Variants in DOCK5 observed in about 807,000 individuals in gnomAD.
DOCK5 encodes the protein dedicator of cytokinesis protein 5.
DOCK5 carries 142 observed loss-of-function variants against 251.8 expected under a neutral mutation model. That is an observed-to-expected ratio of 0.56 (90% CI 0.49 to 0.65). DOCK5 has a LOEUF of 0.65. DOCK5 is among the 30% of genes least tolerant of loss of function. The pLI is 0.00. For missense variants in DOCK5, 2,111 were observed against 2,312.3 expected, an observed-to-expected ratio of 0.91 and a Z score of 1.79; for synonymous variants, 842 against 835.5, an observed-to-expected ratio of 1.01 and a Z score of -0.13.
chr8:25,315,702 C>T (rs1805228557), intron 13 of DOCK5, among the ~76,000 whole-genome samples: 1 of 152,200 alleles, frequency 6.6e-6, no homozygotes, highest in Non-Finnish European at 1.5e-5. Context: ...ACAAATATTA[C>T]CAGTGGGATT....
chr8:25,226,674 C>T (rs1802541600), intron 1 of DOCK5, among the ~76,000 whole-genome samples: 1 of 151,856 alleles, frequency 6.6e-6, no homozygotes, highest in Non-Finnish European at 1.5e-5. Context: ...CAAGCTCCGC[C>T]TCCTGGGTTC....
chr8:25,268,733 G>A, intron 2 of DOCK5, 112 bp from the exon 3 acceptor site: 1 of 849,996 alleles, frequency 1.2e-6, no homozygotes, highest in Non-Finnish European at 1.8e-6. Flanking sequence ...AATTGTCTCT[G>A]TCAACTGTTG....
rs778823586 is a variant in DOCK5, at chr8:25,363,082, C to A, written c.2985C>A (p.Asp995Glu). ...TGGAAACTTTTATCATGTTCAAGGA[C>A]CTGATTGGAAAGAATGTCTATGCCA... ...FLMETFIMFKDLIGKNVYAKD... is the reference protein window; with the variant it reads ...FLMETFIMFKELIGKNVYAKD... The change falls in exon 29 of 52, where the codon GAC becomes GAA. Residue 995 changes from aspartate (D) to glutamate (E), a missense_variant. Physicochemically the swap from Asp to Glu is conservative, Grantham distance 45. Around this residue, in one of 3 missense-constraint regions of DOCK5, gnomAD observed 1,717 missense variants for 1,892.4 expected, o/e 0.91. Transcript: ENST00000276440. 34 of 1,613,858 alleles carry A rather than the reference C, an allele frequency of 2.1e-5. No homozygotes were observed. The highest frequency in any genetic ancestry group is 6.7e-5 in the Admixed American group (4 of 60,002).
At chr8:25,221,299 GC>G (rs1299066608) in intron 1 of DOCK5, among the ~76,000 whole-genome samples, 5 of 152,080 alleles carry the variant, frequency 3.3e-5, no homozygotes, top group Non-Finnish European at 5.9e-5. Flanking sequence ...GCTACATTCT[GC>G]CAAATCTTTT....
intron 5 of DOCK5, among the ~76,000 whole-genome samples, chr8:25,279,708 C>T (rs777714510): frequency 2.0e-5 from 3 of 152,126 alleles, no homozygotes; most frequent in Non-Finnish European, 4.4e-5. Flanking sequence ...ACCTCCGCCT[C>T]CCAAGTTCAA....
In DOCK5 at chr8:25,300,804, C is replaced by T. The variant is rs1281965015; in HGVS notation, c.846+147C>T. ...AGGAATAACCCACCCATTTATTCAA[C>T]ATGTACTTCAATGCCAGGCACTGAT... On this transcript the variant is annotated intron_variant, in intron 9 of 51. Transcript: ENST00000276440. 3.7e-6 allele frequency: 3 copies of T among 820,584 alleles called. No individual in the cohort carries two copies. The Admixed American group carries it at 8.4e-5, about 23-fold the overall frequency. The allele number at this position is 820,584 out of a possible 1,614,324, so 50.8% of individuals were successfully genotyped here. A position where few individuals can be genotyped will look rare whatever the true frequency, so the allele number is the denominator to read the frequency against.
intron 18 of DOCK5, 137 bp from the exon 19 acceptor site, chr8:25,332,114 A>G (rs1321967663): frequency 1.9e-6 from 1 of 528,526 alleles, no homozygotes; most frequent in African/African-American, 1.9e-5. Context: ...GAGATAGTAA[A>G]TTAAAAGAAT....
At chr8:25,250,232 C>G (rs183395604) in intron 2 of DOCK5, among the ~76,000 whole-genome samples, 1 of 152,326 alleles carries the variant, frequency 6.6e-6, no homozygotes, top group East Asian at 1.9e-4. Flanking sequence ...ATTTGACTCT[C>G]TGGCCTTGCC....
chr8:25,374,310 C>T (rs1007866645), intron 36 of DOCK5, among the ~76,000 whole-genome samples: 7 of 152,004 alleles, frequency 4.6e-5, no homozygotes, highest in African/African-American at 1.7e-4. Flanking sequence ...AACTCTCGAG[C>T]CTGGGCAGCA....
chr8:25,260,654 T>C (rs1803553374), intron 2 of DOCK5, among the ~76,000 whole-genome samples: 1 of 152,170 alleles, frequency 6.6e-6, no homozygotes, highest in Non-Finnish European at 1.5e-5. Context: ...TACAGATCTG[T>C]TTCCTTCCTC....
In DOCK5 at chr8:25,403,650, C is replaced by A. The variant is rs1321947289; in HGVS notation, c.5019C>A (p.Thr1673=). The A allele has an allele frequency of 1.2e-6, 2 of 1,613,890 alleles. No homozygotes were observed. Among genetic ancestry groups the A allele is most frequent in the African/African-American group, 1.3e-5 (1 of 74,934 alleles). Residue 1673 remains threonine (T), a synonymous_variant, in exon 48 of 52, where the codon ACC becomes ACA. Transcript: ENST00000276440. ...MSSTLRRLSI[T]SVTSSVVSTS... is the part of the protein sequence containing the mutation. ...CCACTCTGCGGAGGTTGTCCATCAC[C>A]TCAGTCACTTCCTCTGTGGTTTCCA...
At chr8:25,392,904 T>C in intron 44 of DOCK5, 22 bp downstream of exon 44, 2 of 1,582,682 alleles carry the variant, frequency 1.3e-6, no homozygotes, top group Non-Finnish European at 1.7e-6. Flanking sequence ...GAAATTGGCA[T>C]TTAGAAAAAA....
intron 25 of DOCK5, 165 bp from the exon 26 acceptor site, chr8:25,345,310 C>T: frequency 1.3e-6 from 1 of 753,856 alleles, no homozygotes; most frequent in Non-Finnish European, 2.0e-6. Flanking sequence ...AAGTTCCGTG[C>T]CTAAAACCAG....
chr8:25,292,451 C>G (rs61008790), intron 6 of DOCK5, among the ~76,000 whole-genome samples: 2 of 151,966 alleles, frequency 1.3e-5, no homozygotes, highest in African/African-American at 2.4e-5. Flanking sequence ...ATAAAGAAAA[C>G]AAAAACAAAA....
At chr8:25,208,572 T>C (rs1475340475) in intron 1 of DOCK5, among the ~76,000 whole-genome samples, 3 of 152,262 alleles carry the variant, frequency 2.0e-5, no homozygotes, top group Non-Finnish European at 4.4e-5. Flanking sequence ...AAGGCTCAGA[T>C]GATCATATGC....
intron 2 of DOCK5, among the ~76,000 whole-genome samples, chr8:25,244,735 C>G (rs950823705): frequency 2.0e-5 from 3 of 152,160 alleles, no homozygotes; most frequent in African/African-American, 7.2e-5. Context: ...CAGGATTTGG[C>G]CACAGAACAG....
intron 5 of DOCK5, among the ~76,000 whole-genome samples, chr8:25,286,428 G>C (rs1008932707): frequency 3.3e-5 from 5 of 152,134 alleles, no homozygotes; most frequent in African/African-American, 1.2e-4. Flanking sequence ...TATTTTACAT[G>C]TGAGTTTACC....
chr8:25,270,971 G>T, intron 3 of DOCK5: 1 of 468,446 alleles, frequency 2.1e-6, no homozygotes, highest in African/African-American at 2.0e-5. Flanking sequence ...ATACCGTATT[G>T]TTTAGGGAAT....
intron 25 of DOCK5, 132 bp from the exon 26 acceptor site, chr8:25,345,343 G>A: frequency 7.9e-7 from 1 of 1,271,862 alleles, no homozygotes; most frequent in African/African-American, 1.5e-5. Flanking sequence ...GGCCTGGAGG[G>A]GCTGCATCCC....
Sources: gnomAD v4.1 joint callset for allele counts (sites outside exome capture counted in the v4.1 genomes callset) on GRCh38, gnomAD v4.1.1 for gene constraint, gnomAD v4.1.1 regional missense constraint, MANE v1.5 for transcripts, NCBI Gene and HGNC (gene_info 2026-07-23, HGNC 2026-07-21) for gene names.